PTPRD: variants seen among roughly 807,000 people sequenced by gnomAD.
The protein encoded by PTPRD is receptor-type tyrosine-protein phosphatase delta.
PTPRD carries 34 observed loss-of-function variants against 214.5 expected under a neutral mutation model. The observed-to-expected ratio is 0.16, with a 90% CI of 0.12 to 0.21. The LOEUF (loss-of-function observed/expected upper bound fraction) is 0.21, where lower values mean the gene tolerates loss of function less well. PTPRD is among the 10% of genes least tolerant of loss of function. PTPRD has a pLI of 1.00. For synonymous variants in PTPRD, 1,128 were observed against 845.7 expected (o/e 1.33, Z -5.79); for missense variants, 2,545 against 2,398.7 (o/e 1.06, Z -1.27).
chr9:9,003,081 C>T lies in PTPRD; in HGVS notation c.-104+15616G>A, dbSNP rs117253502. 6.6e-3 allele frequency among the ~76,000 whole-genome samples: 1,000 copies of T among 152,166 alleles called. 7 individuals are homozygous for T. Among genetic ancestry groups the T allele is most frequent in the East Asian group, 0.021 (107 of 5,170 alleles). ...CAACAAACACACCACTGGATCATCG[C>T]CCCTTTCAGAATACGTTAGGTAACT... On this transcript the variant is annotated intron_variant, in intron 11 of 45. Transcript: ENST00000381196.
At chr9:9,936,013 C>T (rs1012515930) in intron 5 of PTPRD, among the ~76,000 whole-genome samples, 1 of 150,138 alleles carries the variant, frequency 6.7e-6, no homozygotes, top group African/African-American at 2.5e-5. Flanking sequence ...GCTGGGAAAA[C>T]TGGCTAGCCA....
At chr9:8,884,089 G>A (rs913644864) in intron 11 of PTPRD, among the ~76,000 whole-genome samples, 3 of 152,152 alleles carry the variant, frequency 2.0e-5, no homozygotes, top group Non-Finnish European at 4.4e-5. Context: ...TACCAAAGGA[G>A]TAATTGAGGT....
Position 8,504,343 on chromosome 9 carries a change from T to A in PTPRD, c.1740A>T (p.Leu580Phe). Residue 580 changes from leucine (L) to phenylalanine (F), a missense_variant, in exon 23 of 46, where the codon TTA becomes TTT. By Grantham distance (22) the Leu-to-Phe change is conservative (BLOSUM62 0). Transcript: ENST00000381196. The part of the protein sequence containing the change: ...YRLQGLKPNS[L>F]YYFRLAARSP... ...AGCGTGCAGCCAGACGGAAATAGTA[T>A]AAGCTGTTTGGTTTCAGTCCTTGCA... 2 of 1,614,148 alleles carry A rather than the reference T, an allele frequency of 1.2e-6. No homozygotes were observed. The highest frequency in any genetic ancestry group is 1.7e-6 in the Non-Finnish European group (2 of 1,179,982).
chr9:10,295,027 A>G (rs571798350), intron 3 of PTPRD, among the ~76,000 whole-genome samples: 15 of 152,158 alleles, frequency 9.9e-5, no homozygotes, highest in Non-Finnish European at 2.2e-4. Context: ...TTAATACGAC[A>G]TACTGATAAA....
At chr9:9,469,109 C>A (rs911911882) in intron 8 of PTPRD, among the ~76,000 whole-genome samples, 2 of 152,014 alleles carry the variant, frequency 1.3e-5, no homozygotes, top group African/African-American at 4.8e-5. Flanking sequence ...CAATATATAA[C>A]AGATTTTGAA....
At chr9:8,985,657 A>G (rs989972834) in intron 11 of PTPRD, among the ~76,000 whole-genome samples, 3 of 151,764 alleles carry the variant, frequency 2.0e-5, no homozygotes, top group African/African-American at 4.8e-5. Context: ...AAAAAAAAAA[A>G]GATTCTACAG....
At chr9:10,273,167 T>C (rs1289837959) in intron 3 of PTPRD, among the ~76,000 whole-genome samples, 1 of 152,204 alleles carries the variant, frequency 6.6e-6, no homozygotes, top group Non-Finnish European at 1.5e-5. Context: ...CACAAGGGAA[T>C]ATCACTAAGG....
intron 39 of PTPRD, among the ~76,000 whole-genome samples, chr9:8,347,356 A>C (rs1205005398): frequency 6.6e-6 from 1 of 152,116 alleles, no homozygotes; most frequent in Admixed American, 6.6e-5. Context: ...TCTGTCGCCT[A>C]CTATTCCACA....
chr9:9,593,196 G>GT (rs56345514), intron 7 of PTPRD, among the ~76,000 whole-genome samples: 1,482 of 146,550 alleles, frequency 0.01, 31 homozygotes, highest in African/African-American at 0.035. Flanking sequence ...TACCAGTTTT[G>GT]TTTTTTTTTT....
rs1320447238 is a variant in PTPRD at position 8,507,409 on chromosome 9, T to C, written c.1569A>G (p.Lys523=). The change falls in exon 22 of 46, where the codon AAA becomes AAG. Residue 523 remains lysine, a synonymous_variant. Coordinates refer to ENST00000381196, the MANE Select transcript of PTPRD (RefSeq NM_002839.4). ...TACTTGTTTCAGACTCAGGTTCTGC[T>C]TTGAAGTTTAGTGGCTGCCCTGGTA... ...TGVPGQPLNF[K]AEPESETSIL... 6.2e-7 allele frequency: 1 copy of C among 1,614,010 alleles called. No individual in the cohort carries two copies. Among genetic ancestry groups the C allele is most frequent in the Non-Finnish European group, 8.5e-7 (1 of 1,179,870 alleles).
intron 4 of PTPRD, among the ~76,000 whole-genome samples, chr9:9,945,592 T>A (rs1360449066): frequency 1.3e-5 from 2 of 152,158 alleles, no homozygotes; most frequent in Admixed American, 1.3e-4. Context: ...GAATTGCACA[T>A]TGCACATGCA....
At chr9:9,754,745 G>T (rs912982713) in intron 6 of PTPRD, among the ~76,000 whole-genome samples, 4 of 152,052 alleles carry the variant, frequency 2.6e-5, no homozygotes, top group African/African-American at 9.7e-5. Context: ...GAAAGTTTAT[G>T]TAAAGTAGAT....
intron 5 of PTPRD, among the ~76,000 whole-genome samples, chr9:9,786,887 G>C (rs1447791171): frequency 6.6e-6 from 1 of 152,032 alleles, no homozygotes; most frequent in African/African-American, 2.4e-5. Context: ...GCTTACATCT[G>C]TCTTCCCAGC....
chr9:8,983,746 G>A (rs2099325820), intron 11 of PTPRD, among the ~76,000 whole-genome samples: 1 of 151,852 alleles, frequency 6.6e-6, no homozygotes, highest in East Asian at 1.9e-4. Flanking sequence ...TCAAACTCCT[G>A]GCCTTAAAGA....
chr9:10,269,242 C>T (rs767023348), intron 3 of PTPRD, among the ~76,000 whole-genome samples: 9 of 152,070 alleles, frequency 5.9e-5, no homozygotes, highest in Non-Finnish European at 8.8e-5. Context: ...TTTCTAATTG[C>T]CCTAACTATG....
At chr9:9,219,707 A>G (rs2099954558) in intron 9 of PTPRD, among the ~76,000 whole-genome samples, 1 of 152,194 alleles carries the variant, frequency 6.6e-6, no homozygotes, top group South Asian at 2.1e-4. Context: ...CATTGAGCAC[A>G]AGTAAACCTT....
chr9:10,511,974 GTGTATATATATATACGTGTGTGTA>G (rs1566641463), intron 2 of PTPRD, among the ~76,000 whole-genome samples: 523 of 49,202 alleles, frequency 0.011, 9 homozygotes, highest in African/African-American at 0.033. Flanking sequence ...ATACGTGTGT[GTGTATATATATATACGTGTGTGTA>G]TATATATATA....
At chr9:9,977,397 G>C (rs1437900999) in intron 4 of PTPRD, among the ~76,000 whole-genome samples, 1 of 152,086 alleles carries the variant, frequency 6.6e-6, no homozygotes. Context: ...ATTTCTGAAG[G>C]AGGAGAGCCT....
At chr9:9,189,798 T>C (rs2099933996) in intron 9 of PTPRD, among the ~76,000 whole-genome samples, 1 of 152,092 alleles carries the variant, frequency 6.6e-6, no homozygotes, top group African/African-American at 2.4e-5. Flanking sequence ...ATGTGAAATA[T>C]ATTACTTTAC....
Sources: gnomAD v4.1 joint callset for allele counts (sites outside exome capture counted in the v4.1 genomes callset) on GRCh38, gnomAD v4.1.1 for gene constraint, MANE v1.5 for transcripts, NCBI Gene and HGNC (gene_info 2026-07-23, HGNC 2026-07-21) for gene names.